The following SLC44A5 variants were observed in gnomAD, a reference collection of about 807,000 sequenced individuals.
The protein encoded by SLC44A5 is choline transporter-like protein 5.
A neutral mutation model predicts 101.8 loss-of-function variants in SLC44A5; 57 were observed. That is an observed-to-expected ratio of 0.56 (90% CI 0.45 to 0.70). The LOEUF (loss-of-function observed/expected upper bound fraction) is 0.70. Ranked by LOEUF, SLC44A5 falls within the 30% of genes least tolerant of loss-of-function variation. The pLI is 0.00. For synonymous variants in SLC44A5, 281 were observed against 290.9 expected (o/e 0.97, Z 0.35); for missense variants, 737 against 853.1 (o/e 0.86, Z 1.70).
chr1:75,679,002 C>G, the SLC44A5 span, among the ~76,000 whole-genome samples: 2 of 151,958 alleles, frequency 1.3e-5, no homozygotes, highest in Non-Finnish European at 2.9e-5. Flanking sequence ...AACTGGAAGA[C>G]AGGGTATCAG....
At chr1:75,254,538 C>T (rs989196211) in intron 6 of SLC44A5, among the ~76,000 whole-genome samples, 4 of 152,068 alleles carry the variant, frequency 2.6e-5, no homozygotes, top group Admixed American at 6.5e-5. Flanking sequence ...TGAGACTCAT[C>T]GGAATAAAAT....
rs201543999 is a variant in SLC44A5 at position 75,478,320 on chromosome 1, G to A, written c.13+63115C>T. 9.8e-4 allele frequency among the ~76,000 whole-genome samples: 149 copies of A among 152,226 alleles called. 3 individuals carry two copies. The East Asian group carries it at 0.025, about 26-fold the overall frequency. On this transcript the variant is annotated intron_variant, in intron 2 of 23. Transcript: ENST00000370859. ...ATCATGCCAAATTGTAAAGACCATC[G>A]AGGCTAGGAAGAAACTGCATGAACT...
intron 13 of SLC44A5, among the ~76,000 whole-genome samples, chr1:75,223,280 T>A (rs1019428311): frequency 1.3e-5 from 2 of 152,206 alleles, no homozygotes; most frequent in African/African-American, 4.8e-5. Flanking sequence ...TCTATATCCT[T>A]ACAGTAAATA....
At chr1:75,585,993 A>G (rs1673966176) in intron 1 of SLC44A5, among the ~76,000 whole-genome samples, 1 of 152,144 alleles carries the variant, frequency 6.6e-6, no homozygotes, top group African/African-American at 2.4e-5. Context: ...GTGATGGCTC[A>G]TTTTACAGGT....
chr1:75,294,377 A>G (rs1296864354), intron 5 of SLC44A5, among the ~76,000 whole-genome samples: 3 of 152,188 alleles, frequency 2.0e-5, no homozygotes, highest in Admixed American at 6.5e-5. Context: ...GTACACTGTT[A>G]GTAGGAATGT....
chr1:75,475,502 A>T (rs1169362966), intron 2 of SLC44A5, among the ~76,000 whole-genome samples: 2 of 152,242 alleles, frequency 1.3e-5, no homozygotes, highest in African/African-American at 2.4e-5. Context: ...TTACTTGTCC[A>T]GCCAGAATTC....
intron 3 of SLC44A5, among the ~76,000 whole-genome samples, chr1:75,345,851 T>C (rs957289762): frequency 2.0e-5 from 3 of 152,116 alleles, no homozygotes; most frequent in Non-Finnish European, 4.4e-5. Flanking sequence ...ATATATTTGA[T>C]GCAGAGGAAA....
At chr1:75,467,700 T>G (rs912438771) in intron 2 of SLC44A5, among the ~76,000 whole-genome samples, 1 of 152,184 alleles carries the variant, frequency 6.6e-6, no homozygotes. Flanking sequence ...ATTGAAGGTG[T>G]AAATCTAAGA....
the SLC44A5 span, among the ~76,000 whole-genome samples, chr1:75,660,240 T>C: frequency 6.6e-6 from 1 of 152,128 alleles, no homozygotes; most frequent in Admixed American, 6.5e-5. Context: ...AACAAAATGA[T>C]CATTTCAGTA....
chr1:75,508,951 T>C (rs1230469776), intron 2 of SLC44A5, among the ~76,000 whole-genome samples: 1 of 152,238 alleles, frequency 6.6e-6, no homozygotes, highest in Non-Finnish European at 1.5e-5. Context: ...AAGAAGGCTA[T>C]GTAAATTATT....
rs1646679100 is a variant in SLC44A5, at chr1:75,202,350, T to C, written c.*1377A>G. On this transcript the variant is annotated 3_prime_UTR_variant, in exon 24 of 24. Transcript: ENST00000370859. ...ATCTAAAGTCACATTTAAACAAATGTGATAATATTTTATAAACTGATAGTA... is the reference window on the plus strand; with the variant it reads ...ATCTAAAGTCACATTTAAACAAATGCGATAATATTTTATAAACTGATAGTA... The C allele has an allele frequency of 6.6e-6, 1 of 152,170 alleles. No individual in the cohort carries two copies. The highest frequency in any genetic ancestry group is 1.5e-5 in the Non-Finnish European group (1 of 68,016). The allele number at this position is 152,170 out of a possible 1,614,324, so 9.4% of individuals were successfully genotyped here.
the SLC44A5 span, among the ~76,000 whole-genome samples, chr1:75,684,210 A>T: frequency 6.6e-6 from 1 of 152,180 alleles, no homozygotes; most frequent in African/African-American, 2.4e-5. Context: ...TGATTCAATT[A>T]TCTCCACCTG....
intron 4 of SLC44A5, among the ~76,000 whole-genome samples, chr1:75,303,691 C>T (rs535904826): frequency 9.2e-5 from 14 of 152,224 alleles, no homozygotes; most frequent in African/African-American, 2.6e-4. Flanking sequence ...TACCCTGTCC[C>T]CACCCAACTA....
intron 3 of SLC44A5, among the ~76,000 whole-genome samples, chr1:75,385,576 G>A (rs753146920): frequency 3.3e-5 from 5 of 152,150 alleles, no homozygotes; most frequent in East Asian, 3.9e-4. Context: ...ATAGCTTACC[G>A]ACCAAAAAGA....
chr1:75,422,757 T>C (rs1410260302), intron 2 of SLC44A5, among the ~76,000 whole-genome samples: 1 of 152,176 alleles, frequency 6.6e-6, no homozygotes, highest in East Asian at 1.9e-4. Context: ...TCAAGAAAAC[T>C]GGCCCAGAGG....
At chr1:75,250,655 C>A (rs1481193354) in intron 7 of SLC44A5, among the ~76,000 whole-genome samples, 1 of 152,128 alleles carries the variant, frequency 6.6e-6, no homozygotes, top group Non-Finnish European at 1.5e-5. Context: ...CTTTTAAGAG[C>A]AGGATGTTTT....
intron 5 of SLC44A5, among the ~76,000 whole-genome samples, chr1:75,278,918 ATT>A (rs1263407510): frequency 6.6e-6 from 1 of 151,988 alleles, no homozygotes; most frequent in Admixed American, 6.6e-5. Context: ...TTTATTTTAT[ATT>A]GTTATTGATA....
rs774385601 is a variant in SLC44A5 at position 75,217,933 on chromosome 1, T to C, written c.1557A>G (p.Gly519=). The change falls in exon 18 of 24, where the codon GGA becomes GGG. Residue 519 remains glycine (G), a synonymous_variant. Coordinates refer to ENST00000370859, the MANE Select transcript of SLC44A5 (RefSeq NM_001130058.2). ...IRYHTGSLAF[G]SLIIALIQMF... Reference sequence around the variant, plus strand: ...TTTGAATTAATGCAATAATTAAAGATCCAAATGCTAGGGATCCTGTGTGAT... The same window carrying C: ...TTTGAATTAATGCAATAATTAAAGACCCAAATGCTAGGGATCCTGTGTGAT... The C allele has an allele frequency of 7.5e-6, 12 of 1,604,484 alleles. No homozygotes were observed. Among genetic ancestry groups the C allele is most frequent in the Non-Finnish European group, 7.7e-6 (9 of 1,171,574 alleles).
chr1:75,705,719 C>A, the SLC44A5 span, among the ~76,000 whole-genome samples: 15 of 152,062 alleles, frequency 9.9e-5, no homozygotes, highest in African/African-American at 3.6e-4. Flanking sequence ...GCTCTGTTGC[C>A]CAGACTGGAA....
Sources: allele counts gnomAD v4.1 joint callset (sites outside exome capture counted in the v4.1 genomes callset), GRCh38; gene constraint gnomAD v4.1.1; transcripts MANE v1.5; gene names NCBI Gene and HGNC (gene_info 2026-07-23, HGNC 2026-07-21).